The following KALRN variants were observed in gnomAD, a reference collection of about 807,000 sequenced individuals.
The protein encoded by KALRN is kalirin.
In KALRN, 70 loss-of-function variants were observed where a neutral mutation model predicts 353.7. The observed-to-expected ratio is 0.20, with a 90% CI of 0.16 to 0.24. The LOEUF (loss-of-function observed/expected upper bound fraction) is 0.24, where lower values mean the gene tolerates loss of function less well. Among genes scored for constraint, KALRN ranks in the 10% least tolerant of loss-of-function variants. The probability of loss-of-function intolerance (pLI) is 1.00; values close to 1 mark genes in which losing one functional copy is unlikely to be tolerated. For missense variants in KALRN, 2,791 were observed against 3,756.7 expected (o/e 0.74, Z 6.72); for synonymous variants, 1,391 against 1,434.8 (o/e 0.97, Z 0.69).
At chr3:124,208,807 A>C (rs1188316543) in intron 1 of KALRN, among the ~76,000 whole-genome samples, 1 of 152,002 alleles carries the variant, frequency 6.6e-6, no homozygotes, top group Non-Finnish European at 1.5e-5. Context: ...TCTATAAAAA[A>C]TTTAAAAAAT....
chr3:124,500,989 G>T (rs977403283), intron 33 of KALRN, among the ~76,000 whole-genome samples: 8 of 85,594 alleles, frequency 9.3e-5, no homozygotes, highest in Non-Finnish European at 1.5e-4. Flanking sequence ...GCTGAATCCA[G>T]CTAATGGTAC....
intron 1 of KALRN, among the ~76,000 whole-genome samples, chr3:124,191,827 C>A (rs2074951330): frequency 6.6e-6 from 1 of 152,178 alleles, no homozygotes; most frequent in Admixed American, 6.6e-5. Context: ...CAGAATGTCT[C>A]TTTTACTCCA....
At chr3:124,444,797 C>CAAAA (rs11370484) in intron 19 of KALRN, among the ~76,000 whole-genome samples, 1,702 of 101,714 alleles carry the variant, frequency 0.017, 56 homozygotes, top group African/African-American at 0.055. Context: ...AAGACCCTGT[C>CAAAA]AAAAAAAAAA....
intron 33 of KALRN, among the ~76,000 whole-genome samples, chr3:124,517,178 C>T (rs148714385): frequency 5.8e-4 from 88 of 152,308 alleles, no homozygotes; most frequent in African/African-American, 2.1e-3. Context: ...TTCACCAGTC[C>T]TTTTGCTGTG....
intron 1 of KALRN, among the ~76,000 whole-genome samples, chr3:124,205,552 G>C (rs1342171030): frequency 6.6e-6 from 1 of 152,260 alleles, no homozygotes; most frequent in South Asian, 2.1e-4. Context: ...CCTGGCATAT[G>C]GTATGAAGCA....
rs542006138 is a variant in KALRN, at chr3:124,674,626, G to A, written c.7193+12G>A. ...GACGGGAGCATCAAGTAAGTGCCTC[G>A]TTGGCTTCCCCGGGAGAGGAGTATG... is the stretch of plus-strand genomic sequence containing the variant. On this transcript the variant is annotated intron_variant, in intron 49 of 59. Transcript: ENST00000682506. 1.0e-5 allele frequency: 16 copies of A among 1,567,066 alleles called. No homozygotes were observed. Among genetic ancestry groups the A allele is most frequent in the Middle Eastern group, 1.7e-4 (1 of 5,866 alleles).
chr3:124,051,858 G>A (rs553754209), intron 1 of KALRN, among the ~76,000 whole-genome samples: 114 of 152,344 alleles, frequency 7.5e-4, no homozygotes, highest in Non-Finnish European at 1.1e-3. Flanking sequence ...AAGTGGCAGA[G>A]TCAGATGGTT....
At chr3:124,660,262 G>A (rs2084671170) in intron 43 of KALRN, among the ~76,000 whole-genome samples, 1 of 152,138 alleles carries the variant, frequency 6.6e-6, no homozygotes, top group African/African-American at 2.4e-5. Context: ...GGCTTAACTT[G>A]ATTCATCTTA....
At chr3:124,048,165 A>G (rs960179839) in intron 1 of KALRN, among the ~76,000 whole-genome samples, 1 of 152,194 alleles carries the variant, frequency 6.6e-6, no homozygotes, top group African/African-American at 2.4e-5. Flanking sequence ...TGACCTTTAT[A>G]TGGGGCAATA....
chr3:124,696,038 C>A, intron 53 of KALRN, 96 bp from the exon 54 acceptor site: 1 of 1,329,258 alleles, frequency 7.5e-7, no homozygotes. Context: ...TGAGGACTCT[C>A]AGCTCAGCAC....
intron 1 of KALRN, among the ~76,000 whole-genome samples, chr3:124,073,746 G>T (rs2060130909): frequency 2.0e-5 from 3 of 152,098 alleles, no homozygotes; most frequent in Non-Finnish European, 2.9e-5. Flanking sequence ...TACCTGTTTG[G>T]CAAATGAGGA....
intron 1 of KALRN, among the ~76,000 whole-genome samples, chr3:124,142,459 A>G (rs930053554): frequency 6.6e-6 from 1 of 152,204 alleles, no homozygotes; most frequent in African/African-American, 2.4e-5. Context: ...TGTGAGTCCT[A>G]CTTCCCTGGT....
chr3:124,441,932 T>C lies in KALRN; in HGVS notation c.3199-13T>C. 1.3e-6 allele frequency: 2 copies of C among 1,539,490 alleles called. No individual in the cohort carries two copies. Among genetic ancestry groups the C allele is most frequent in the Non-Finnish European group, 1.8e-6 (2 of 1,130,226 alleles). ...CTGCTGGGACAGGGGCCTCACAGCT[T>C]TGTCTTTCGCAGGCCTGCACCCTGG... On this transcript the variant is annotated splice_polypyrimidine_tract_variant and intron_variant, in intron 18 of 59. Coordinates refer to ENST00000682506, the MANE Select transcript of KALRN (RefSeq NM_001388419.1).
At chr3:124,446,926 C>T (rs1421312313) in intron 21 of KALRN, 41 bp downstream of exon 21, 2 of 1,598,958 alleles carry the variant, frequency 1.3e-6, no homozygotes, top group African/African-American at 1.4e-5. Context: ...CCACCCAGAA[C>T]TCTCCATTCT....
intron 39 of KALRN, 110 bp downstream of exon 39, chr3:124,655,777 G>A: frequency 1.4e-6 from 1 of 727,962 alleles, no homozygotes; most frequent in Non-Finnish European, 2.5e-6. Flanking sequence ...TACTGTCTGA[G>A]CACTTGCAGA....
At chr3:124,639,758 G>A (rs1047046761) in intron 37 of KALRN, among the ~76,000 whole-genome samples, 15 of 152,330 alleles carry the variant, frequency 9.8e-5, no homozygotes, top group Admixed American at 7.2e-4. Context: ...GTGCCATAAT[G>A]AAGGATATAA....
chr3:124,215,029 T>G (rs2077198653), intron 1 of KALRN, among the ~76,000 whole-genome samples: 1 of 152,108 alleles, frequency 6.6e-6, no homozygotes, highest in Admixed American at 6.5e-5. Context: ...GATCTTTATG[T>G]AGAACCCAGT....
chr3:124,562,580 G>A (rs757671968), intron 33 of KALRN: 1 of 314,488 alleles, frequency 3.2e-6, no homozygotes, highest in Non-Finnish European at 6.2e-6. Context: ...TTCAGACTGT[G>A]GCTACAGCTA....
At chr3:124,358,428 T>C (rs1206273302) in intron 10 of KALRN, among the ~76,000 whole-genome samples, 1 of 152,148 alleles carries the variant, frequency 6.6e-6, no homozygotes, top group East Asian at 1.9e-4. Context: ...ACAGATAAGA[T>C]TGGCCTTTTC....
Sources: gnomAD v4.1 joint callset for allele counts (sites outside exome capture counted in the v4.1 genomes callset) on GRCh38, gnomAD v4.1.1 for gene constraint, MANE v1.5 for transcripts, NCBI Gene and HGNC (gene_info 2026-07-23, HGNC 2026-07-21) for gene names.